FBXL13: variants seen among roughly 807,000 people sequenced by gnomAD.
FBXL13 encodes F-box and leucine-rich repeat protein 13.
In FBXL13, 67 loss-of-function variants were observed where a neutral mutation model predicts 83.6. The ratio of observed to expected loss-of-function variants is 0.80; its 90% CI spans 0.66 to 0.98. FBXL13 has a LOEUF of 0.98. Ranked by LOEUF, FBXL13 falls within the 50% of genes least tolerant of loss-of-function variation. The pLI is 0.00. For synonymous variants in FBXL13, 272 were observed against 299.5 expected (o/e 0.91, Z 0.95); for missense variants, 822 against 866.5 (o/e 0.95, Z 0.64).
At chr7:103,073,769 TG>T (rs1309980553) in intron 1 of FBXL13, among the ~76,000 whole-genome samples, 2 of 152,056 alleles carry the variant, frequency 1.3e-5, no homozygotes, top group Middle Eastern at 6.8e-3. Flanking sequence ...AAGAGACGGG[TG>T]GGGGGTCTCT....
At chr7:102,948,956 C>T (rs1178567328) in intron 8 of FBXL13, among the ~76,000 whole-genome samples, 11 of 152,192 alleles carry the variant, frequency 7.2e-5, no homozygotes, top group South Asian at 2.1e-4. Context: ...AAGTGATCCG[C>T]GTGCCTTGGC....
rs866494574 is a variant in FBXL13, at chr7:102,931,996, T to C, written c.725-63A>G. On this transcript the variant is annotated intron_variant, in intron 8 of 19. Transcript: ENST00000313221. ...TGCAAATGTTTAAACAAAGTTTTTC[T>C]ATCTTACATTGAATGCAATGTATTC... The C allele has an allele frequency of 3.9e-5, 58 of 1,477,356 alleles. 1 individual carries two copies. In the South Asian group the frequency reaches 5.6e-4, roughly 14 times the overall value. 91.5% of individuals were successfully genotyped at this position (1,477,356 alleles called of 1,614,324 possible).
chr7:102,987,364 T>G (rs1829095299), intron 6 of FBXL13, among the ~76,000 whole-genome samples: 1 of 151,900 alleles, frequency 6.6e-6, no homozygotes, highest in African/African-American at 2.4e-5. Flanking sequence ...CTCTATGAAG[T>G]AAAAAGGGCT....
intron 8 of FBXL13, among the ~76,000 whole-genome samples, chr7:102,947,529 T>C (rs1359427432): frequency 6.6e-6 from 1 of 152,200 alleles, no homozygotes; most frequent in East Asian, 1.9e-4. Context: ...TTGCCCCTTT[T>C]CTACATCAGA....
At chr7:102,826,947 G>T in intron 18 of FBXL13, 1 of 288,496 alleles carries the variant, frequency 3.5e-6, no homozygotes, top group Non-Finnish European at 7.7e-6. Context: ...GAGCTCTATC[G>T]TATTATTTTC....
Position 102,818,153 on chromosome 7 carries a change from C to G in FBXL13, c.2018+3887G>C, listed in dbSNP as rs79270343. 8.9e-4 allele frequency among the ~76,000 whole-genome samples: 135 copies of G among 152,328 alleles called. 5 individuals are homozygous for G. The East Asian group carries it at 0.026, about 29-fold the overall frequency. On this transcript the variant is annotated intron_variant, in intron 19 of 19. Transcript: ENST00000313221. ...ATGTTGGAGCCACCACCAAGGACTG[C>G]TCATAATCCACAGCCTCTCTTATTG...
At chr7:102,898,804 G>A (rs892222857) in intron 11 of FBXL13, among the ~76,000 whole-genome samples, 2 of 152,210 alleles carry the variant, frequency 1.3e-5, no homozygotes, top group Non-Finnish European at 2.9e-5. Context: ...GACTAATGGT[G>A]AGAAACCTTC....
chr7:102,881,527 C>T (rs753990825), intron 14 of FBXL13, among the ~76,000 whole-genome samples: 9 of 144,688 alleles, frequency 6.2e-5, no homozygotes, highest in Non-Finnish European at 8.9e-5. Flanking sequence ...CATATTCATA[C>T]AGATAGAATT....
At chr7:102,861,925 T>A (rs1269183107) in intron 16 of FBXL13, among the ~76,000 whole-genome samples, 2 of 145,332 alleles carry the variant, frequency 1.4e-5, no homozygotes, top group South Asian at 2.2e-4. Context: ...GAAGCTGTAG[T>A]GAGCCAAGAT....
chr7:102,963,620 CTATATATTT>C, exon 8 of FBXL13: 1 of 1,609,486 alleles, frequency 6.2e-7, no homozygotes. Context: ...AAAGTAGACA[CTATATATTT>C]ATCTGGAATC....
chr7:102,912,850 T>C (rs1815014506), intron 11 of FBXL13: 1 of 445,434 alleles, frequency 2.2e-6, no homozygotes, highest in Non-Finnish European at 3.9e-6. Flanking sequence ...GTGGTCCGTT[T>C]CCTCATCCAA....
chr7:102,880,011 C>CTA (rs763093647), intron 14 of FBXL13, among the ~76,000 whole-genome samples: 48 of 152,320 alleles, frequency 3.2e-4, no homozygotes, highest in Non-Finnish European at 6.0e-4. Context: ...CGACGGGCAT[C>CTA]TATAGTTTTA....
chr7:102,935,238 C>CTTTTT (rs1563116555), intron 8 of FBXL13, among the ~76,000 whole-genome samples: 2 of 84,472 alleles, frequency 2.4e-5, no homozygotes, highest in African/African-American at 9.3e-5. Context: ...TTTTTTTTTT[C>CTTTTT]TTTCTTTTTT....
chr7:102,901,429 G>A (rs914386024), intron 11 of FBXL13, among the ~76,000 whole-genome samples: 1 of 152,042 alleles, frequency 6.6e-6, no homozygotes, highest in Non-Finnish European at 1.5e-5. Context: ...TTACACTCAA[G>A]TTCTTTTAAA....
Position 103,033,423 on chromosome 7 carries a change from A to G in FBXL13, c.1-4005T>C, listed in dbSNP as rs534390955. The stretch of plus-strand genomic sequence containing the variant: ...CTTGGTCTCACTGACTTCAAGAATG[A>G]AGCCGCGGACCCTCGCGGTGAGTGT... On this transcript the variant is annotated intron_variant, in intron 2 of 19. Coordinates refer to ENST00000313221, the Ensembl canonical transcript of FBXL13. Among the ~76,000 whole-genome samples, 10 of 152,332 alleles carry G rather than the reference A, an allele frequency of 6.6e-5. No homozygotes were observed. In the South Asian group the frequency reaches 2.1e-3, roughly 32 times the overall value.
intron 16 of FBXL13, among the ~76,000 whole-genome samples, chr7:102,867,294 G>A (rs1002104139): frequency 6.6e-6 from 1 of 152,090 alleles, no homozygotes; most frequent in African/African-American, 2.4e-5. Flanking sequence ...GAAAGTTGAG[G>A]CTGCAGTGAG....
At chr7:103,055,221 ATTAG>A (rs758412313) in intron 2 of FBXL13, 43 bp from the exon 3 acceptor site, 15 of 1,056,362 alleles carry the variant, frequency 1.4e-5, no homozygotes, top group South Asian at 4.2e-5. Context: ...AATTTCATTA[ATTAG>A]TTAGTTCCGT....
intron 17 of FBXL13, among the ~76,000 whole-genome samples, chr7:102,846,112 A>C (rs1478258703): frequency 6.6e-6 from 1 of 152,258 alleles, no homozygotes; most frequent in Non-Finnish European, 1.5e-5. Context: ...TAAGGGCTAA[A>C]TTGATATTAG....
intron 16 of FBXL13, among the ~76,000 whole-genome samples, chr7:102,858,955 C>A (rs1165429257): frequency 6.6e-6 from 1 of 152,046 alleles, no homozygotes; most frequent in African/African-American, 2.4e-5. Context: ...ATACTAAAAA[C>A]CACTGAATTG....
Sources: gnomAD v4.1 joint callset for allele counts (sites outside exome capture counted in the v4.1 genomes callset) on GRCh38, gnomAD v4.1.1 for gene constraint, MANE v1.5 for transcripts, NCBI Gene and HGNC (gene_info 2026-07-23, HGNC 2026-07-21) for gene names.